Variants in ODF2L observed in about 807,000 individuals in gnomAD.
The protein encoded by ODF2L is outer dense fiber of sperm tails 2 like.
Under a neutral mutation model 86.3 loss-of-function variants are expected in ODF2L, and 76 were observed. The observed-to-expected ratio is 0.88, with a 90% CI of 0.73 to 1.07. The LOEUF (loss-of-function observed/expected upper bound fraction) is 1.07, where lower values mean the gene tolerates loss of function less well. Among genes scored for constraint, ODF2L ranks in the 50% least tolerant of loss-of-function variants. ODF2L has a pLI of 0.00. For synonymous variants in ODF2L, 241 were observed against 231.3 expected (o/e 1.04, Z -0.38); for missense variants, 748 against 717.4 (o/e 1.04, Z -0.49).
At chr1:86,361,929 CA>C (rs1474738750) in intron 11 of ODF2L, among the ~76,000 whole-genome samples, 1 of 152,040 alleles carries the variant, frequency 6.6e-6, no homozygotes, top group Non-Finnish European at 1.5e-5. Context: ...GGCAGACAGA[CA>C]AAAAATAAGA....
chr1:86,352,336 GA>G (rs1322331268), intron 17 of ODF2L: 5 of 1,117,470 alleles, frequency 4.5e-6, no homozygotes, highest in South Asian at 6.3e-5. Context: ...GAGTATTCAG[GA>G]AAAAAAACAG....
At chr1:86,377,655 A>G (rs1179051664) in intron 7 of ODF2L, among the ~76,000 whole-genome samples, 2 of 152,184 alleles carry the variant, frequency 1.3e-5, no homozygotes, top group African/African-American at 2.4e-5. Flanking sequence ...CCAACACCAC[A>G]TGGAAGTTGC....
At chr1:86,390,119 A>G (rs942480437) in intron 1 of ODF2L, among the ~76,000 whole-genome samples, 1 of 152,194 alleles carries the variant, frequency 6.6e-6, no homozygotes, top group Non-Finnish European at 1.5e-5. Flanking sequence ...CCTGATGAAC[A>G]TAGATGCAAG....
chr1:86,382,392 C>A (rs772593564), intron 6 of ODF2L, 34 bp from the exon 7 acceptor site: 1 of 1,605,108 alleles, frequency 6.2e-7, no homozygotes, highest in African/African-American at 1.3e-5. Context: ...CCAAAAAAAT[C>A]CATATTATTT....
chr1:86,358,123 C>A (rs918128933), intron 13 of ODF2L: 1 of 982,328 alleles, frequency 1.0e-6, no homozygotes, highest in Non-Finnish European at 1.2e-6. Context: ...AGGGAGCAAC[C>A]CAGAGAGAGT....
In ODF2L at chr1:86,357,351, T is replaced by A. The variant is rs543872236; in HGVS notation, c.1360-749A>T. Among the ~76,000 whole-genome samples the A allele has an allele frequency of 2.6e-3, 358 of 139,174 alleles. 2 individuals are homozygous for A. The Middle Eastern group carries it at 0.049, about 19-fold the overall frequency. The allele number at this position is 139,174 out of a possible 152,430, so 91.3% of individuals were successfully genotyped here. On this transcript the variant is annotated intron_variant, in intron 13 of 17. Transcript: ENST00000317336. ...CTTGATCAGGAAAGATAATGCAGTA[T>A]TTTTTTTTTTTTGCAAAATTAAAAT... is the stretch of plus-strand genomic sequence containing the variant.
chr1:86,358,841 A>C, exon 13 of ODF2L: 2 of 1,550,636 alleles, frequency 1.3e-6, no homozygotes, highest in Non-Finnish European at 1.7e-6. Flanking sequence ...TATGTAGCAA[A>C]TTTTCACATC....
intron 4 of ODF2L, among the ~76,000 whole-genome samples, chr1:86,384,472 A>G (rs1660794572): frequency 1.4e-5 from 1 of 73,392 alleles, no homozygotes; most frequent in South Asian, 3.5e-4. Flanking sequence ...TTTTGAGATG[A>G]AAAATAAAAA....
chr1:86,360,247 A>G (rs1658932706), intron 12 of ODF2L, among the ~76,000 whole-genome samples, 179 bp downstream of exon 11: 1 of 152,226 alleles, frequency 6.6e-6, no homozygotes, highest in African/African-American at 2.4e-5. Context: ...ATCAGGAATC[A>G]GCAGAATCAT....
intron 17 of ODF2L, chr1:86,352,300 T>C: frequency 7.4e-7 from 1 of 1,353,580 alleles, no homozygotes; most frequent in Admixed American, 3.5e-5. Flanking sequence ...GCTTTCAGAA[T>C]ATTCTATGCC....
chr1:86,385,465 A>G, exon 3 of ODF2L: 1 of 1,577,006 alleles, frequency 6.3e-7, no homozygotes, highest in Admixed American at 1.7e-5. Context: ...CACATTTTCA[A>G]AATTAATCTT....
intron 1 of ODF2L, among the ~76,000 whole-genome samples, chr1:86,387,293 ACT>A (rs201617165): frequency 0.014 from 2,083 of 152,322 alleles, 22 homozygotes; most frequent in Middle Eastern, 0.037. Flanking sequence ...ATTTCCATAC[ACT>A]GTTTCCAAAA....
At chr1:86,348,767 C>T (rs766010008), downstream of ODF2L, 1 of 1,510,272 alleles carries the variant, frequency 6.6e-7, no homozygotes, top group Admixed American at 2.4e-5. Context: ...AACATTGTTA[C>T]ATAAGAAGTT....
chr1:86,357,364 G>A (rs1235222486), intron 13 of ODF2L, among the ~76,000 whole-genome samples: 2 of 144,312 alleles, frequency 1.4e-5, no homozygotes, highest in African/African-American at 5.1e-5. Flanking sequence ...TTTTTTTTTT[G>A]CAAAATTAAA....
chr1:86,354,674 G>A lies in ODF2L; in HGVS notation c.1623C>T (p.Asp541=), dbSNP rs61741894. The A allele has an allele frequency of 1.4e-3, 2,280 of 1,609,202 alleles. 30 individuals are homozygous for A. The African/African-American group carries it at 0.028, about 20-fold the overall frequency. Residue 541 remains aspartate (D), a synonymous_variant, in exon 16 of 18, where the codon GAC becomes GAT. Coordinates refer to ENST00000317336, the Ensembl canonical transcript of ODF2L. The stretch of plus-strand genomic sequence containing the variant: ...TCTTCTCAAGCTCTTTATTTTCTGC[G>A]TCCATCTGTTCTAATTTTCTTTTTA...
chr1:86,379,468 AC>A (rs1558047142), intron 7 of ODF2L, among the ~76,000 whole-genome samples: 1 of 152,200 alleles, frequency 6.6e-6, no homozygotes, highest in East Asian at 1.9e-4. Flanking sequence ...AGAATATTAT[AC>A]ATCATACTAG....
At chr1:86,373,875 G>A (rs569038957) in intron 8 of ODF2L, among the ~76,000 whole-genome samples, 4 of 152,194 alleles carry the variant, frequency 2.6e-5, no homozygotes, top group Non-Finnish European at 5.9e-5. Context: ...GAACTCCCAT[G>A]AGGTAGGGAT....
chr1:86,389,060 G>T (rs1558065275), intron 1 of ODF2L, among the ~76,000 whole-genome samples: 1 of 152,098 alleles, frequency 6.6e-6, no homozygotes, highest in Non-Finnish European at 1.5e-5. Flanking sequence ...TGTGATAATT[G>T]TGTAACAAAA....
At chr1:86,376,267 G>A in exon 8 of ODF2L, 3 of 1,611,080 alleles carry the variant, frequency 1.9e-6, no homozygotes, top group Non-Finnish European at 2.5e-6. Context: ...CTTTTCAATA[G>A]CTCCTGTAAA....
Sources: gnomAD v4.1 joint callset for allele counts (sites outside exome capture counted in the v4.1 genomes callset) on GRCh38, gnomAD v4.1.1 for gene constraint, MANE v1.5 for transcripts, NCBI Gene and HGNC (gene_info 2026-07-23, HGNC 2026-07-21) for gene names.